The following TENM2 variants were observed in gnomAD, a reference collection of about 807,000 sequenced individuals.
The protein encoded by TENM2 is teneurin-2.
Under a neutral mutation model 245.2 loss-of-function variants are expected in TENM2, and 52 were observed. That is an observed-to-expected ratio of 0.21 (90% confidence interval 0.17 to 0.27). The LOEUF is 0.27. TENM2 is among the 10% of genes least tolerant of loss of function. The pLI is 1.00. For missense variants in TENM2, 3,046 were observed against 3,666.8 expected (o/e 0.83, Z 4.37); for synonymous variants, 1,363 against 1,438.9 (o/e 0.95, Z 1.19).
intron 2 of TENM2, among the ~76,000 whole-genome samples, chr5:167,859,761 C>A (rs1440597870): frequency 6.5e-5 from 6 of 93,004 alleles, no homozygotes; most frequent in Admixed American, 4.4e-4. Context: ...CCCGGCCAGC[C>A]GCCCTGTCCG....
chr5:167,300,728 C>G (rs1372624355), intron 1 of TENM2, among the ~76,000 whole-genome samples: 3 of 151,798 alleles, frequency 2.0e-5, no homozygotes, highest in Non-Finnish European at 4.4e-5. Context: ...GTGTCTTATA[C>G]TTGTGGGTTA....
At chr5:168,017,394 T>G (rs1039526948) in intron 5 of TENM2, among the ~76,000 whole-genome samples, 3 of 152,334 alleles carry the variant, frequency 2.0e-5, no homozygotes, top group Admixed American at 1.3e-4. Flanking sequence ...CAATGGCTAT[T>G]ATTTTTAGAT....
intron 2 of TENM2, among the ~76,000 whole-genome samples, chr5:167,764,013 C>T (rs1405991153): frequency 6.6e-6 from 1 of 152,080 alleles, no homozygotes; most frequent in African/African-American, 2.4e-5. Context: ...CAAGCCACTC[C>T]TGCTGATAGT....
chr5:168,121,718 A>ATT (rs35236471), intron 10 of TENM2, among the ~76,000 whole-genome samples: 115 of 148,404 alleles, frequency 7.7e-4, no homozygotes, highest in Admixed American at 1.8e-3. Flanking sequence ...AAAGATTGTG[A>ATT]TTTTTTTTTT....
upstream of TENM2, among the ~76,000 whole-genome samples, chr5:167,280,784 A>C (rs1039698342): frequency 2.7e-5 from 4 of 150,694 alleles, no homozygotes; most frequent in African/African-American, 9.8e-5. Flanking sequence ...CTATCTATCT[A>C]TCTATCTATC....
intron 2 of TENM2, among the ~76,000 whole-genome samples, chr5:167,750,150 G>A (rs1348902278): frequency 3.3e-5 from 5 of 152,148 alleles, no homozygotes; most frequent in Non-Finnish European, 7.4e-5. Context: ...GCCAAACGAC[G>A]CTTTGGATTA....
intron 2 of TENM2, among the ~76,000 whole-genome samples, chr5:167,680,329 T>TAA (rs1434706137): frequency 1.0e-4 from 15 of 149,082 alleles, no homozygotes; most frequent in Non-Finnish European, 1.8e-4. Flanking sequence ...AAAAAATCCC[T>TAA]AAGAAAGAGT....
At chr5:167,125,593 C>A in the TENM2 span, among the ~76,000 whole-genome samples, 1 of 152,326 alleles carries the variant, frequency 6.6e-6, no homozygotes, top group East Asian at 1.9e-4. Flanking sequence ...CCTTTGATTT[C>A]TCCTAAGCTG....
intron 2 of TENM2, among the ~76,000 whole-genome samples, chr5:167,556,653 T>C (rs1188161824): frequency 6.6e-6 from 1 of 152,134 alleles, no homozygotes; most frequent in Non-Finnish European, 1.5e-5. Flanking sequence ...CTAGCCACCA[T>C]AGTAGGTCAG....
At chr5:167,373,358 T>A (rs1290469711) in intron 1 of TENM2, among the ~76,000 whole-genome samples, 6 of 152,186 alleles carry the variant, frequency 3.9e-5, no homozygotes, top group Non-Finnish European at 8.8e-5. Flanking sequence ...GAGTGTCAAG[T>A]TACATCAAGA....
chr5:167,925,493 G>A (rs1777682406), intron 3 of TENM2, among the ~76,000 whole-genome samples: 1 of 152,174 alleles, frequency 6.6e-6, no homozygotes, highest in Admixed American at 6.5e-5. Context: ...ATATGCTTAA[G>A]ACACTGCTGG....
chr5:167,794,404 C>A (rs763779728), intron 2 of TENM2, among the ~76,000 whole-genome samples: 4 of 152,188 alleles, frequency 2.6e-5, no homozygotes, highest in Non-Finnish European at 5.9e-5. Flanking sequence ...TCATCAGTAG[C>A]AATTCCTCTA....
chr5:167,748,431 C>T (rs544027717), intron 2 of TENM2, among the ~76,000 whole-genome samples: 6 of 152,032 alleles, frequency 3.9e-5, no homozygotes, highest in South Asian at 4.1e-4. Context: ...TAGGCTGGAG[C>T]GTAGTAGTGT....
chr5:167,142,067 A>T, the TENM2 span, among the ~76,000 whole-genome samples: 2 of 152,198 alleles, frequency 1.3e-5, no homozygotes, highest in African/African-American at 4.8e-5. Context: ...AGTTCTTTAC[A>T]TACTAGCACA....
chr5:167,101,849 T>TTATATATATATATATATATA, the TENM2 span, among the ~76,000 whole-genome samples: 2,506 of 68,686 alleles, frequency 0.036, 120 homozygotes, highest in Middle Eastern at 0.065. Flanking sequence ...ATATATATAT[T>TTATATATATATATATATATA]TATATATATA....
the TENM2 span, among the ~76,000 whole-genome samples, chr5:167,157,921 A>T: frequency 4.7e-3 from 710 of 152,334 alleles, 4 homozygotes; most frequent in African/African-American, 0.016. Flanking sequence ...ATAATGTACA[A>T]TGAGAAAGAA....
chr5:167,280,731 T>C (rs1770993842), upstream of TENM2, among the ~76,000 whole-genome samples: 1 of 146,616 alleles, frequency 6.8e-6, no homozygotes, highest in Non-Finnish European at 1.5e-5. Flanking sequence ...GGGATATCTA[T>C]ATCTATCTGT....
intron 2 of TENM2, among the ~76,000 whole-genome samples, chr5:167,584,697 T>A (rs933493049): frequency 2.6e-5 from 3 of 113,530 alleles, no homozygotes; most frequent in African/African-American, 5.2e-5. Flanking sequence ...TCTTTACTTT[T>A]CTTTTTTTTT....
rs548954378 is a variant in TENM2 at position 167,382,947 on chromosome 5, T to A, written c.502+7474T>A. 2.6e-5 allele frequency among the ~76,000 whole-genome samples: 4 copies of A among 151,290 alleles called. No individual in the cohort carries two copies. In the South Asian group the frequency reaches 8.4e-4, roughly 32 times the overall value. ...ATATGCACACAAATATATAAAACTA[T>A]GTGTTGTTTTATTCAATATTGGTGA... On this transcript the variant is annotated intron_variant, in intron 2 of 28. Transcript: ENST00000518659.
Sources: allele counts gnomAD v4.1 joint callset (sites outside exome capture counted in the v4.1 genomes callset), GRCh38; gene constraint gnomAD v4.1.1; transcripts MANE v1.5; gene names NCBI Gene and HGNC (gene_info 2026-07-23, HGNC 2026-07-21).